Variants in CEP70 observed in about 807,000 individuals in gnomAD.
CEP70 encodes centrosomal protein 70.
Under a neutral mutation model 90.9 loss-of-function variants are expected in CEP70, and 70 were observed. That is an observed-to-expected ratio of 0.77 (90% CI 0.64 to 0.94). The LOEUF (loss-of-function observed/expected upper bound fraction) is 0.94, where lower values mean the gene tolerates loss of function less well. CEP70 is among the 40% of genes least tolerant of loss of function. The pLI, the probability that CEP70 is intolerant of heterozygous loss-of-function variation, is 0.00. For synonymous variants in CEP70, 220 were observed against 228.3 expected, an observed-to-expected ratio of 0.96 and a Z score of 0.33; for missense variants, 648 against 669.0, an observed-to-expected ratio of 0.97 and a Z score of 0.35.
chr3:138,561,005 G>A (rs1363964054), intron 6 of CEP70, among the ~76,000 whole-genome samples: 4 of 152,144 alleles, frequency 2.6e-5, no homozygotes, highest in Non-Finnish European at 4.4e-5. Context: ...CTCCTAGCAC[G>A]TTCGAGCAGC....
chr3:138,497,406 A>C (rs968159205), intron 17 of CEP70: 7 of 1,156,770 alleles, frequency 6.1e-6, no homozygotes, highest in Admixed American at 8.1e-5. Context: ...TAAAACTTTA[A>C]AAATCATTCT....
chr3:138,564,105 T>G (rs1040917432), intron 6 of CEP70, among the ~76,000 whole-genome samples: 7 of 152,002 alleles, frequency 4.6e-5, no homozygotes, highest in African/African-American at 1.4e-4. Context: ...TAGAAGAAAT[T>G]GATAAATTCC....
intron 11 of CEP70, among the ~76,000 whole-genome samples, chr3:138,523,755 C>A (rs1409431650): frequency 6.6e-6 from 1 of 152,108 alleles, no homozygotes; most frequent in East Asian, 1.9e-4. Context: ...ACGTTCCATG[C>A]TCATGGGTAG....
At chr3:138,558,007 A>T (rs1205004106) in intron 6 of CEP70, among the ~76,000 whole-genome samples, 1 of 152,160 alleles carries the variant, frequency 6.6e-6, no homozygotes, top group East Asian at 1.9e-4. Flanking sequence ...TGATCAAAAA[A>T]TTTTTAAATC....
chr3:138,528,217 A>T (rs1186134760), intron 10 of CEP70, among the ~76,000 whole-genome samples: 1 of 151,720 alleles, frequency 6.6e-6, no homozygotes, highest in Non-Finnish European at 1.5e-5. Context: ...GCTAATTTTT[A>T]TATTTTTTGT....
chr3:138,504,417 C>T (rs938516704), intron 13 of CEP70, among the ~76,000 whole-genome samples: 12 of 152,172 alleles, frequency 7.9e-5, no homozygotes, highest in Admixed American at 3.3e-4. Flanking sequence ...AGCACTCATT[C>T]ATCAGGAGGA....
intron 6 of CEP70, among the ~76,000 whole-genome samples, chr3:138,564,048 C>T (rs1340742616): frequency 1.3e-5 from 2 of 152,156 alleles, no homozygotes; most frequent in Non-Finnish European, 2.9e-5. Flanking sequence ...TACAAACTGC[C>T]ATCAGAGAAT....
chr3:138,516,665 C>T lies in CEP70; in HGVS notation c.945-8121G>A, dbSNP rs576754976. ...TCTCCCAAAGTGCTGGGATTACAGG[C>T]GTGAGCCACTGCACCTGGCCCCTAT... On this transcript the variant is annotated intron_variant, in intron 11 of 17. Transcript: ENST00000264982. 2.8e-3 allele frequency among the ~76,000 whole-genome samples: 433 copies of T among 152,284 alleles called. 4 individuals carry two copies. The highest frequency in any genetic ancestry group is 9.9e-3 in the African/African-American group (413 of 41,564).
chr3:138,543,515 C>T (rs1243282172), intron 6 of CEP70, among the ~76,000 whole-genome samples: 1 of 152,202 alleles, frequency 6.6e-6, no homozygotes, highest in Non-Finnish European at 1.5e-5. Flanking sequence ...GCTTTCCAGG[C>T]CCATAAGAGC....
chr3:138,580,319 C>G (rs941865654), intron 2 of CEP70, among the ~76,000 whole-genome samples: 1 of 152,138 alleles, frequency 6.6e-6, no homozygotes, highest in Non-Finnish European at 1.5e-5. Context: ...CAGCTCAGCA[C>G]AGAGAGACTC....
At chr3:138,579,811 C>T (rs1016860845) in intron 2 of CEP70, among the ~76,000 whole-genome samples, 3 of 151,826 alleles carry the variant, frequency 2.0e-5, no homozygotes, top group African/African-American at 7.3e-5. Flanking sequence ...GCTATGAGGA[C>T]AGACCCCTTC....
intron 17 of CEP70, chr3:138,497,002 T>C (rs988566228): frequency 4.8e-5 from 48 of 993,414 alleles, no homozygotes; most frequent in Non-Finnish European, 5.1e-5. Flanking sequence ...GCAAGAATCA[T>C]ATTATTCTAT....
intron 11 of CEP70, among the ~76,000 whole-genome samples, chr3:138,510,802 T>C (rs370772167): frequency 6.6e-6 from 1 of 151,960 alleles, no homozygotes; most frequent in African/African-American, 2.4e-5. Context: ...TTGCCATCAA[T>C]TGGAACACAT....
At chr3:138,524,335 A>G (rs952733701) in intron 11 of CEP70, among the ~76,000 whole-genome samples, 9 of 152,026 alleles carry the variant, frequency 5.9e-5, no homozygotes, top group Non-Finnish European at 8.8e-5. Flanking sequence ...CATGTCTAAA[A>G]CACCAAAAGC....
chr3:138,505,427 T>C lies in CEP70; in HGVS notation c.1089A>G (p.Arg363=), dbSNP rs1425028849. The C allele has an allele frequency of 6.2e-7, 1 of 1,608,732 alleles. No individual in the cohort carries two copies. The highest frequency in any genetic ancestry group is 8.5e-7 in the Non-Finnish European group (1 of 1,178,228). ...TCTGTTTATAAATTATTACTGGAGC[T>C]CTTGGATTGTGGATAATTGAATTGA... ...CSINSIIHNP[R]APVIIYKQTK... The change falls in exon 13 of 18, where the codon AGA becomes AGG. Residue 363 remains arginine, a synonymous_variant. Coordinates refer to ENST00000264982, the MANE Select transcript of CEP70 (RefSeq NM_024491.4).
Position 138,578,272 on chromosome 3 carries a change from C to T in CEP70, c.-5-5340G>A, listed in dbSNP as rs76446776. 4.8e-3 allele frequency among the ~76,000 whole-genome samples: 724 copies of T among 152,066 alleles called. 4 individuals carry two copies. The highest frequency in any genetic ancestry group is 0.017 in the African/African-American group (697 of 41,480). Reference sequence around the variant, plus strand: ...ACACTAAAATATAAGTGGGGGAGGGCAAACCACTAACGGCCATAAAAGCTG... The same window carrying T: ...ACACTAAAATATAAGTGGGGGAGGGTAAACCACTAACGGCCATAAAAGCTG... On this transcript the variant is annotated intron_variant, in intron 2 of 17. Coordinates refer to ENST00000264982, the MANE Select transcript of CEP70 (RefSeq NM_024491.4).
At chr3:138,536,888 T>G (rs1401491361) in intron 7 of CEP70, 1 of 185,420 alleles carries the variant, frequency 5.4e-6, no homozygotes, top group Non-Finnish European at 1.1e-5. Context: ...ATAGTATTCT[T>G]CACTAAAAGG....
chr3:138,527,808 C>G (rs1266294452), intron 10 of CEP70, among the ~76,000 whole-genome samples: 1 of 151,952 alleles, frequency 6.6e-6, no homozygotes, highest in East Asian at 1.9e-4. Flanking sequence ...CCTACCTGGG[C>G]TTCCCAAAGT....
intron 11 of CEP70, among the ~76,000 whole-genome samples, chr3:138,509,953 A>G (rs934691819): frequency 6.6e-6 from 1 of 152,138 alleles, no homozygotes. Context: ...CATGTTAGCA[A>G]TTTTGATGTG....
Sources: allele counts gnomAD v4.1 joint callset (sites outside exome capture counted in the v4.1 genomes callset), GRCh38; gene constraint gnomAD v4.1.1; transcripts MANE v1.5; gene names NCBI Gene and HGNC (gene_info 2026-07-23, HGNC 2026-07-21).